Variants in STK39 observed in about 807,000 individuals in gnomAD.
STK39 encodes serine/threonine kinase 39.
Under a neutral mutation model 77.8 loss-of-function variants are expected in STK39, and 20 were observed. The ratio of observed to expected loss-of-function variants is 0.26; its 90% CI spans 0.18 to 0.37. STK39 has a LOEUF of 0.37. Among genes scored for constraint, STK39 ranks in the 10% least tolerant of loss-of-function variants. STK39 has a pLI of 1.00. For missense variants in STK39, 479 were observed against 656.5 expected, an observed-to-expected ratio of 0.73 and a Z score of 2.95; for synonymous variants, 246 against 234.1, an observed-to-expected ratio of 1.05 and a Z score of -0.47.
chr2:168,047,413 A>G (rs1176685751), intron 14 of STK39, among the ~76,000 whole-genome samples: 2 of 152,214 alleles, frequency 1.3e-5, no homozygotes, highest in African/African-American at 4.8e-5. Context: ...GGAGGGAGCA[A>G]AATGGTGCAA....
In STK39 at chr2:167,954,768, C is replaced by A. The variant is rs914882717; in HGVS notation, c.*728G>T. On this transcript the variant is annotated 3_prime_UTR_variant, in exon 18 of 18. Coordinates refer to ENST00000355999, the MANE Select transcript of STK39 (RefSeq NM_013233.3). ...GATTGTAAATTGGTTTTTAGGCAAA[C>A]AGACTAAAAGAATAAGCATCCAAAT... 15 of 152,686 alleles carry A rather than the reference C, an allele frequency of 9.8e-5. No homozygotes were observed. Among genetic ancestry groups the A allele is most frequent in the African/African-American group, 3.6e-4 (15 of 41,558 alleles). 9.5% of individuals were successfully genotyped at this position (152,686 alleles called of 1,614,324 possible).
chr2:168,169,230 C>T (rs1688763373), intron 2 of STK39, among the ~76,000 whole-genome samples: 1 of 152,076 alleles, frequency 6.6e-6, no homozygotes, highest in Non-Finnish European at 1.5e-5. Context: ...GGTTCTGATG[C>T]CATAAGACAC....
At chr2:168,229,330 A>C (rs1690387897) in intron 1 of STK39, among the ~76,000 whole-genome samples, 1 of 151,912 alleles carries the variant, frequency 6.6e-6, no homozygotes, top group African/African-American at 2.4e-5. Context: ...GGTTGCAGTA[A>C]GCTGACATTG....
intron 5 of STK39, among the ~76,000 whole-genome samples, chr2:168,158,196 T>C (rs776100119): frequency 5.3e-5 from 8 of 152,198 alleles, no homozygotes; most frequent in Non-Finnish European, 7.3e-5. Context: ...TTCCAAGGCA[T>C]CCAAGTTGAT....
intron 1 of STK39, among the ~76,000 whole-genome samples, chr2:168,217,505 A>G (rs1690054950): frequency 6.6e-6 from 1 of 152,200 alleles, no homozygotes; most frequent in South Asian, 2.1e-4. Flanking sequence ...AGATTATCCG[A>G]TCCTTGGCCC....
chr2:168,213,380 AT>A (rs1203390862), intron 1 of STK39, among the ~76,000 whole-genome samples: 19 of 152,234 alleles, frequency 1.2e-4, no homozygotes. Context: ...CTATTGTTAG[AT>A]AAAAAGATGT....
chr2:168,127,985 C>G (rs1687589607), intron 10 of STK39, among the ~76,000 whole-genome samples: 1 of 152,028 alleles, frequency 6.6e-6, no homozygotes, highest in African/African-American at 2.4e-5. Context: ...GAAAGAAATA[C>G]AGAGCACAGG....
rs189220368 is a variant in STK39, at chr2:168,222,068, T to C, written c.208+25160A>G. Among the ~76,000 whole-genome samples the C allele has an allele frequency of 2.9e-3, 446 of 152,264 alleles. 2 individuals are homozygous for C. Among genetic ancestry groups the C allele is most frequent in the South Asian group, 3.7e-3 (18 of 4,824 alleles). ...ACAGGCATGTTTATAGAGTAGTGTA[T>C]TTGCATCTTTTTTCCTTCTTTTAAA... is the stretch of plus-strand genomic sequence containing the variant. On this transcript the variant is annotated intron_variant, in intron 1 of 17. Transcript: ENST00000355999.
chr2:168,163,769 T>C lies in STK39; in HGVS notation c.542A>G (p.Asp181Gly). The change falls in exon 4 of 18, where the codon GAC becomes GGC. Residue 181 changes from aspartate (D) to glycine (G), a missense_variant. This residue lies in a region of STK39 where 139 missense variants were observed against 280.6 expected (regional missense o/e 0.50). Coordinates refer to ENST00000355999, the MANE Select transcript of STK39 (RefSeq NM_013233.3). ...AATCTGACCGTTTCTGTGTAGATAGTCTAAGCCTTCCAAAACCTCTTTAAG... is the reference window on the plus strand; with the variant it reads ...AATCTGACCGTTTCTGTGTAGATAGCCTAAGCCTTCCAAAACCTCTTTAAG... ...TILKEVLEGL[D>G]YLHRNGQIHR... The C allele has an allele frequency of 6.2e-7, 1 of 1,613,832 alleles. No individual in the cohort carries two copies.
chr2:168,064,535 T>C (rs112498395), intron 13 of STK39, among the ~76,000 whole-genome samples: 1 of 152,200 alleles, frequency 6.6e-6, no homozygotes, highest in Non-Finnish European at 1.5e-5. Context: ...GTATCTGACC[T>C]CAAACAGGCT....
Position 168,212,552 on chromosome 2 carries a change from A to G in STK39, c.209-30462T>C, listed in dbSNP as rs186751744. On this transcript the variant is annotated intron_variant, in intron 1 of 17. Transcript: ENST00000355999. ...GAAAAGGGCTCACTGGTATAACCTGATAACTGTTTAGAGCATGCCTCAAAG... is the reference window on the plus strand; with the variant it reads ...GAAAAGGGCTCACTGGTATAACCTGGTAACTGTTTAGAGCATGCCTCAAAG... Among the ~76,000 whole-genome samples the G allele has an allele frequency of 1.6e-3, 247 of 152,364 alleles. 1 individual carries two copies. The highest frequency in any genetic ancestry group is 5.7e-3 in the African/African-American group (236 of 41,584).
intron 8 of STK39, among the ~76,000 whole-genome samples, chr2:168,130,607 T>C (rs1306430929): frequency 6.6e-6 from 1 of 152,242 alleles, no homozygotes; most frequent in African/African-American, 2.4e-5. Context: ...GCAAGTGTTC[T>C]GTTGGGTAAT....
At chr2:167,972,141 G>C (rs1214758109) in intron 16 of STK39, among the ~76,000 whole-genome samples, 1 of 152,218 alleles carries the variant, frequency 6.6e-6, no homozygotes, top group South Asian at 2.1e-4. Context: ...AAGGGAAAGG[G>C]AACCCAGAAG....
At chr2:167,972,761 G>T (rs1692384471) in intron 16 of STK39, among the ~76,000 whole-genome samples, 1 of 152,050 alleles carries the variant, frequency 6.6e-6, no homozygotes, top group South Asian at 2.1e-4. Context: ...GGGACTCCTT[G>T]GGAAAAACAG....
At chr2:168,091,193 C>T (rs1338458199) in intron 10 of STK39, among the ~76,000 whole-genome samples, 1 of 149,374 alleles carries the variant, frequency 6.7e-6, no homozygotes, top group African/African-American at 2.5e-5. Flanking sequence ...CATGATACAG[C>T]ACAGACTTAA....
intron 10 of STK39, among the ~76,000 whole-genome samples, chr2:168,120,106 T>TATTGGTA (rs1687366836): frequency 6.6e-6 from 1 of 152,226 alleles, no homozygotes. Context: ...TGGTTTTTCC[T>TATTGGTA]TTTCTGTTGG....
At position 168,140,476 on chromosome 2, in the gene STK39, C is replaced by G. The variant is rs557963767; in HGVS notation, c.739-86G>C. 2.3e-6 allele frequency: 3 copies of G among 1,287,388 alleles called. No individual in the cohort carries two copies. In the East Asian group the frequency reaches 7.0e-5, roughly 30 times the overall value. 79.7% of individuals were successfully genotyped at this position (1,287,388 alleles called of 1,614,324 possible). A position where few individuals can be genotyped will look rare whatever the true frequency, so the allele number is the denominator to read the frequency against. ...TCCATGTCATGTCAGAAATCCACAG[C>G]TGTTGATGTATAACTTTCACGTTAG... is the stretch of plus-strand genomic sequence containing the variant. On this transcript the variant is annotated intron_variant, in intron 6 of 17. Coordinates refer to ENST00000355999, the MANE Select transcript of STK39 (RefSeq NM_013233.3).
chr2:168,004,301 C>A (rs1418379350), intron 16 of STK39, among the ~76,000 whole-genome samples: 1 of 152,114 alleles, frequency 6.6e-6, no homozygotes, highest in Non-Finnish European at 1.5e-5. Context: ...TTAACTGGCA[C>A]AGTTTTAAAA....
At chr2:168,226,091 T>C (rs995586654) in intron 1 of STK39, among the ~76,000 whole-genome samples, 8 of 152,096 alleles carry the variant, frequency 5.3e-5, no homozygotes, top group Admixed American at 6.6e-5. Flanking sequence ...AGAGAAGACA[T>C]GCACAGATAG....
Sources: allele counts gnomAD v4.1 joint callset (sites outside exome capture counted in the v4.1 genomes callset), GRCh38; gene constraint gnomAD v4.1.1; regional missense constraint gnomAD v4.1.1; transcripts MANE v1.5; gene names NCBI Gene and HGNC (gene_info 2026-07-23, HGNC 2026-07-21).